The following BCAS3 variants were observed in gnomAD, a reference collection of about 807,000 sequenced individuals.
BCAS3 encodes the protein BCAS4/BCAS3 fusion.
Under a neutral mutation model 116.1 loss-of-function variants are expected in BCAS3, and 53 were observed. The observed-to-expected ratio is 0.46, with a 90% CI of 0.37 to 0.57. BCAS3 has a LOEUF of 0.57. BCAS3 is among the 20% of genes least tolerant of loss of function. The probability of loss-of-function intolerance (pLI) is 0.00; values close to 1 mark genes in which losing one functional copy is unlikely to be tolerated. For synonymous variants in BCAS3, 391 were observed against 408.2 expected (o/e 0.96, Z 0.51); for missense variants, 917 against 1,165.4 (o/e 0.79, Z 3.10).
rs184517931 is a variant in BCAS3, at chr17:61,027,126, A to C, written c.1638-7540A>C. ...ATTCTTTAAAAAGTAAAAAACAAAA[A>C]AAAAAAAACCACAGATGAATTTTTT... On this transcript the variant is annotated intron_variant, in intron 16 of 23. Transcript: ENST00000407086. Among the ~76,000 whole-genome samples the C allele has an allele frequency of 5.5e-4, 84 of 151,892 alleles. 3 individuals are homozygous for C. In the East Asian group the frequency reaches 0.011, roughly 19 times the overall value.
At chr17:60,741,247 T>C (rs1192537472) in intron 5 of BCAS3, among the ~76,000 whole-genome samples, 1 of 152,206 alleles carries the variant, frequency 6.6e-6, no homozygotes, top group East Asian at 1.9e-4. Flanking sequence ...GCTTTTTACC[T>C]GTGGTCAGAT....
intron 14 of BCAS3, among the ~76,000 whole-genome samples, chr17:60,984,464 G>A (rs748744594): frequency 1.3e-5 from 2 of 152,030 alleles, no homozygotes; most frequent in Non-Finnish European, 2.9e-5. Context: ...ACATAGATAT[G>A]TATATATACA....
chr17:60,785,508 C>T (rs76152534), intron 6 of BCAS3, among the ~76,000 whole-genome samples: 3,704 of 152,220 alleles, frequency 0.024, 62 homozygotes, highest in Non-Finnish European at 0.034. Context: ...AGTACTCGTA[C>T]ATTACCAGAA....
intron 22 of BCAS3, among the ~76,000 whole-genome samples, chr17:61,090,761 G>A (rs1036592826): frequency 2.0e-5 from 3 of 152,102 alleles, no homozygotes; most frequent in African/African-American, 4.8e-5. Context: ...GGGTTCAAGC[G>A]ATTCTCCTGC....
In BCAS3 at chr17:61,015,798, C is replaced by T; in HGVS notation, c.1534C>T (p.Pro512Ser). The change falls in exon 16 of 24, where the codon CCT (proline) becomes TCT (serine). Residue 512 changes from proline (P) to serine (S), a missense_variant. Pro to Ser is a moderately conservative substitution (Grantham distance 74). Transcript: ENST00000407086. ...CTATAACAATTTTACCAACAACAAC[C>T]CTGGCAACCCTCGGCTCTCTCCTCT... The part of the protein sequence containing the change: ...DSYNNFTNNN[P>S]GNPRLSPLPS... 1 of 1,613,884 alleles carries T rather than the reference C, an allele frequency of 6.2e-7. No homozygotes were observed. Among genetic ancestry groups the T allele is most frequent in the African/African-American group, 1.3e-5 (1 of 74,970 alleles).
At chr17:60,905,821 G>A (rs1672583436) in intron 11 of BCAS3, among the ~76,000 whole-genome samples, 2 of 152,200 alleles carry the variant, frequency 1.3e-5, no homozygotes, top group Admixed American at 1.3e-4. Flanking sequence ...AGATGAGCTT[G>A]AGGAGGTCAT....
chr17:60,923,462 T>C (rs924024161), intron 12 of BCAS3, among the ~76,000 whole-genome samples: 23 of 152,218 alleles, frequency 1.5e-4, no homozygotes, highest in African/African-American at 5.5e-4. Context: ...TCTGTATCTT[T>C]CAGGGCAGGA....
intron 22 of BCAS3, among the ~76,000 whole-genome samples, chr17:61,230,965 T>G (rs1230587497): frequency 6.7e-6 from 1 of 149,350 alleles, no homozygotes; most frequent in Non-Finnish European, 1.5e-5. Flanking sequence ...TTGCCTTTTT[T>G]TTTTTTTTTT....
chr17:60,991,394 C>G (rs1449022712), intron 15 of BCAS3, among the ~76,000 whole-genome samples: 1 of 152,150 alleles, frequency 6.6e-6, no homozygotes, highest in Non-Finnish European at 1.5e-5. Flanking sequence ...AATATGTATA[C>G]TAATTTTTGA....
chr17:61,228,545 G>A lies in BCAS3; in HGVS notation c.2426-139782G>A, dbSNP rs751095532. On this transcript the variant is annotated intron_variant, in intron 22 of 23. Coordinates refer to ENST00000407086, the MANE Select transcript of BCAS3 (RefSeq NM_017679.5). The surrounding 1 kb of genome is among the most constrained non-coding windows in gnomAD (Gnocchi z 5.0). ...TTTTCTAACAGCATGTGCTCACTTC[G>A]TGTCTCTGTGTCATACTATGGTAAT... Among the ~76,000 whole-genome samples the A allele has an allele frequency of 2.0e-5, 3 of 152,130 alleles. No homozygotes were observed. Among genetic ancestry groups the A allele is most frequent in the African/African-American group, 7.2e-5 (3 of 41,424 alleles).
chr17:60,947,240 A>T lies in BCAS3; in HGVS notation c.1109A>T (p.Asp370Val). ...NTSGMLLVTT[D>V]TLGHDFHVFQ... ...CCAGGAATGCTTCTAGTCACAACAGACACCCTTGGCCATGACTTTCATGTC... is the reference window on the plus strand; with the variant it reads ...CCAGGAATGCTTCTAGTCACAACAGTCACCCTTGGCCATGACTTTCATGTC... Residue 370 changes from aspartate (D) to valine (V), a missense_variant, in exon 14 of 24, where the codon GAC becomes GTC. Physicochemically the swap from Asp to Val is radical, Grantham distance 152. This residue lies in a region of BCAS3 where 807 missense variants were observed against 1,026.0 expected (regional missense o/e 0.79). Transcript: ENST00000407086. The T allele has an allele frequency of 6.2e-7, 1 of 1,612,890 alleles. No individual in the cohort carries two copies. The highest frequency in any genetic ancestry group is 8.5e-7 in the Non-Finnish European group (1 of 1,179,104).
chr17:61,074,555 G>A (rs756040271), intron 19 of BCAS3, among the ~76,000 whole-genome samples: 7 of 152,270 alleles, frequency 4.6e-5, no homozygotes, highest in Non-Finnish European at 8.8e-5. Flanking sequence ...AAGTGTGCAT[G>A]TTTATGCCTA....
chr17:61,147,922 G>A (rs2077325518), intron 22 of BCAS3, among the ~76,000 whole-genome samples: 1 of 151,622 alleles, frequency 6.6e-6, no homozygotes, highest in African/African-American at 2.4e-5. Flanking sequence ...GGAGGCGGAG[G>A]TTGCAGTGAG....
At chr17:60,853,199 G>A (rs1289364982) in intron 7 of BCAS3, among the ~76,000 whole-genome samples, 2 of 152,190 alleles carry the variant, frequency 1.3e-5, no homozygotes, top group African/African-American at 4.8e-5. Flanking sequence ...TAATTGTACT[G>A]TATGATTCTA....
intron 13 of BCAS3, among the ~76,000 whole-genome samples, chr17:60,943,091 G>T (rs983749385): frequency 4.6e-5 from 7 of 151,704 alleles, no homozygotes; most frequent in Non-Finnish European, 2.9e-5. Flanking sequence ...CATGAGAAGA[G>T]AAATAAAACT....
chr17:61,372,252 A>T (rs1284380137), intron 23 of BCAS3, among the ~76,000 whole-genome samples: 1 of 152,182 alleles, frequency 6.6e-6, no homozygotes, highest in East Asian at 1.9e-4. Flanking sequence ...GACAGTGCCT[A>T]GCGCAGTGTC....
At position 61,118,481 on chromosome 17, in the gene BCAS3, G is replaced by C. The variant is rs910664518; in HGVS notation, c.2425+33917G>C. Among the ~76,000 whole-genome samples the C allele has an allele frequency of 1.3e-5, 2 of 152,162 alleles. No individual in the cohort carries two copies. Among genetic ancestry groups the C allele is most frequent in the Non-Finnish European group, 2.9e-5 (2 of 68,022 alleles). On this transcript the variant is annotated intron_variant, in intron 22 of 23. Coordinates refer to ENST00000407086, the MANE Select transcript of BCAS3 (RefSeq NM_017679.5). This position sits in a 1 kb window ranked among gnomAD's most constrained non-coding sequence, Gnocchi z 5.0. Reference sequence around the variant, plus strand: ...AAACTGCACGTGTGTGTTAGGAGGTGGTTCTTGTTAACAGCAGATAGGGAT... The same window carrying C: ...AAACTGCACGTGTGTGTTAGGAGGTCGTTCTTGTTAACAGCAGATAGGGAT...
intron 14 of BCAS3, 78 bp from the exon 15 acceptor site, chr17:60,989,893 A>T: frequency 6.9e-7 from 1 of 1,442,314 alleles, no homozygotes; most frequent in East Asian, 2.3e-5. Context: ...TTATATTCAT[A>T]TTTGGTGATG....
intron 12 of BCAS3, among the ~76,000 whole-genome samples, chr17:60,916,264 T>C (rs1451337741): frequency 6.6e-6 from 1 of 152,238 alleles, no homozygotes; most frequent in Non-Finnish European, 1.5e-5. Flanking sequence ...ACCAGCACTG[T>C]ATGATAGACA....
Sources: gnomAD v4.1 joint callset for allele counts (sites outside exome capture counted in the v4.1 genomes callset) on GRCh38, gnomAD v4.1.1 for gene constraint, gnomAD v4.1.1 regional missense constraint, Gnocchi (gnomAD v3.1) non-coding constraint, MANE v1.5 for transcripts, NCBI Gene and HGNC (gene_info 2026-07-23, HGNC 2026-07-21) for gene names.